Variants in FBN2 observed in about 807,000 individuals in gnomAD.
FBN2 encodes fibrillin 2.
FBN2 carries 105 observed loss-of-function variants against 355.6 expected under a neutral mutation model. The observed-to-expected ratio is 0.30, with a 90% CI of 0.25 to 0.35. The LOEUF is 0.35. Ranked by LOEUF, FBN2 falls within the 10% of genes least tolerant of loss-of-function variation. The pLI is 1.00. For missense variants in FBN2, 3,280 were observed against 3,758.7 expected (o/e 0.87, Z 3.33); for synonymous variants, 1,350 against 1,301.2 (o/e 1.04, Z -0.81).
intron 63 of FBN2, among the ~76,000 whole-genome samples, chr5:128,262,995 A>G (rs1765013427): frequency 6.6e-6 from 1 of 152,212 alleles, no homozygotes; most frequent in African/African-American, 2.4e-5. Flanking sequence ...AAAGAAAGGG[A>G]CAAACTCCTT....
chr5:128,412,179 T>C (rs1351664891), intron 7 of FBN2, among the ~76,000 whole-genome samples: 1 of 152,220 alleles, frequency 6.6e-6, no homozygotes, highest in Non-Finnish European at 1.5e-5. Flanking sequence ...AAATCAAAAA[T>C]TTAATAGCTG....
chr5:128,469,313 G>A lies in FBN2; in HGVS notation c.629-4392C>T, dbSNP rs116484928. Among the ~76,000 whole-genome samples the A allele has an allele frequency of 2.3e-3, 344 of 152,154 alleles. 2 individuals carry two copies. Among genetic ancestry groups the A allele is most frequent in the African/African-American group, 7.8e-3 (324 of 41,544 alleles). On this transcript the variant is annotated intron_variant, in intron 5 of 64. Transcript: ENST00000262464. Reference sequence around the variant, plus strand: ...AGAGAGGAGATTGGTGAAGGATGAGGCTGGAGAGGAGATCAAGACCATCCT... The same window carrying A: ...AGAGAGGAGATTGGTGAAGGATGAGACTGGAGAGGAGATCAAGACCATCCT...
At chr5:128,330,766 T>A (rs1750671802) in intron 32 of FBN2, 71 bp from the exon 33 acceptor site, 2 of 1,542,536 alleles carry the variant, frequency 1.3e-6, no homozygotes, top group Admixed American at 3.4e-5. Context: ...TTATCGTTTG[T>A]CTTAATTTAC....
rs78727187 is a variant in FBN2 at position 128,332,993 on chromosome 5, G to T, written c.4141C>A (p.His1381Asn). ...CEIGAHNCDM[H>N]ASCLNIPGSF... Reference sequence around the variant, plus strand: ...CCTGGGATATTCAGACATGAGGCATGCATGTCGCAGTTATGAGCACCAATT... The same window carrying T: ...CCTGGGATATTCAGACATGAGGCATTCATGTCGCAGTTATGAGCACCAATT... Residue 1381 changes from histidine to asparagine, a missense_variant, in exon 32 of 65, where the codon CAT becomes AAT. By Grantham distance (68) the His-to-Asn change is moderately conservative. Coordinates refer to ENST00000262464, the MANE Select transcript of FBN2 (RefSeq NM_001999.4). 8,231 of 1,608,724 alleles carry T rather than the reference G, an allele frequency of 5.1e-3. 24 individuals are homozygous for T. Among genetic ancestry groups the T allele is most frequent in the Non-Finnish European group, 6.2e-3 (7,250 of 1,175,110 alleles).
At chr5:128,473,598 AC>A (rs1754933963) in intron 5 of FBN2, among the ~76,000 whole-genome samples, 1 of 152,044 alleles carries the variant, frequency 6.6e-6, no homozygotes, top group African/African-American at 2.4e-5. Context: ...ATGTTCCTTC[AC>A]CCCAACACAT....
At chr5:128,446,981 T>G (rs1424389947) in intron 6 of FBN2, among the ~76,000 whole-genome samples, 1 of 152,230 alleles carries the variant, frequency 6.6e-6, no homozygotes, top group Non-Finnish European at 1.5e-5. Context: ...TACGCCTGTC[T>G]TTACTGCAAT....
chr5:128,498,179 C>T (rs550288017), intron 5 of FBN2, among the ~76,000 whole-genome samples: 1 of 152,320 alleles, frequency 6.6e-6, no homozygotes, highest in South Asian at 2.1e-4. Context: ...AAGGTTGACA[C>T]CATCAAAGTG....
intron 5 of FBN2, among the ~76,000 whole-genome samples, chr5:128,511,677 G>T (rs1206897568): frequency 6.6e-6 from 1 of 152,134 alleles, no homozygotes; most frequent in Non-Finnish European, 1.5e-5. Context: ...CTAGAGGAAT[G>T]GATATATGGC....
At chr5:128,450,813 T>C (rs1442913751) in intron 6 of FBN2, among the ~76,000 whole-genome samples, 1 of 152,096 alleles carries the variant, frequency 6.6e-6, no homozygotes, top group Non-Finnish European at 1.5e-5. Flanking sequence ...TTTACACAAA[T>C]TTGTTACACT....
In FBN2 at chr5:128,483,659, G is replaced by A. The variant is rs568955082; in HGVS notation, c.629-18738C>T. Among the ~76,000 whole-genome samples the A allele has an allele frequency of 2.0e-4, 30 of 150,776 alleles. No individual in the cohort carries two copies. In the East Asian group the frequency reaches 5.6e-3, roughly 28 times the overall value. On this transcript the variant is annotated intron_variant, in intron 5 of 64. Coordinates refer to ENST00000262464, the MANE Select transcript of FBN2 (RefSeq NM_001999.4). ...AGCCTTAATGAAATATTCAGGACAC[G>A]TAAAATGTAATGACTTTGAACCCAT... is the stretch of plus-strand genomic sequence containing the variant.
At chr5:128,424,692 T>A (rs955833168) in intron 7 of FBN2, among the ~76,000 whole-genome samples, 1 of 152,192 alleles carries the variant, frequency 6.6e-6, no homozygotes, top group African/African-American at 2.4e-5. Flanking sequence ...TTAGGCTGAA[T>A]AATTGCATTT....
intron 5 of FBN2, among the ~76,000 whole-genome samples, chr5:128,469,920 T>C (rs941366076): frequency 2.6e-5 from 4 of 152,168 alleles, no homozygotes; most frequent in Non-Finnish European, 5.9e-5. Context: ...ACAGGAGACG[T>C]CCAGTGTGTT....
At chr5:128,431,899 G>T (rs572245984) in intron 7 of FBN2, among the ~76,000 whole-genome samples, 2 of 152,132 alleles carry the variant, frequency 1.3e-5, no homozygotes, top group South Asian at 2.1e-4. Context: ...AGAATGGCAC[G>T]CATTAAAACA....
rs1289807020 is a variant in FBN2, at chr5:128,464,726, T to G, written c.824A>C (p.Gln275Pro). The part of the protein sequence containing the change: ...FIPNIRTGAC[Q>P]DVDECQAIPG... ...GCACAGGCAGACAGCTGACTCACCT[T>G]GGCAAGCTCCAGTGCGGATGTTGGG... The change falls in exon 6 of 65, where the codon CAA becomes CCA. Residue 275 changes from glutamine to proline, a missense_variant and splice_region_variant. Gln to Pro is a moderately conservative substitution (Grantham distance 76). This residue lies in a region of FBN2 where 343 missense variants were observed against 331.0 expected (regional missense o/e 1.04). Coordinates refer to ENST00000262464, the MANE Select transcript of FBN2 (RefSeq NM_001999.4). 2 of 1,613,086 alleles carry G rather than the reference T, an allele frequency of 1.2e-6. No homozygotes were observed. The highest frequency in any genetic ancestry group is 3.3e-5 in the Admixed American group (2 of 60,016).
At chr5:128,496,495 G>C (rs1384673985) in intron 5 of FBN2, among the ~76,000 whole-genome samples, 1 of 151,894 alleles carries the variant, frequency 6.6e-6, no homozygotes, top group Non-Finnish European at 1.5e-5. Context: ...AGGAGTAGAA[G>C]GGAACTTCCT....
At chr5:128,398,996 G>T (rs543752297) in intron 8 of FBN2, among the ~76,000 whole-genome samples, 1 of 152,242 alleles carries the variant, frequency 6.6e-6, no homozygotes, top group South Asian at 2.1e-4. Flanking sequence ...TCTGTAAATT[G>T]CCCAGTCTCG....
chr5:128,320,266 G>T (rs948730356), intron 34 of FBN2, among the ~76,000 whole-genome samples: 5 of 151,736 alleles, frequency 3.3e-5, no homozygotes, highest in African/African-American at 1.2e-4. Flanking sequence ...ACACAGGCTG[G>T]AGTAGTAGCA....
chr5:128,301,545 G>A (rs1238779941), intron 46 of FBN2, 35 bp from the exon 47 acceptor site: 2 of 1,602,972 alleles, frequency 1.2e-6, no homozygotes, highest in Non-Finnish European at 1.7e-6. Flanking sequence ...TTCAGAAAGA[G>A]CTCTTAACAT....
intron 21 of FBN2, 88 bp from the exon 22 acceptor site, chr5:128,350,093 T>G (rs1477198610): frequency 8.8e-7 from 1 of 1,137,980 alleles, no homozygotes; most frequent in Admixed American, 1.8e-5. Context: ...GAAATCTAAA[T>G]GGAACTAAAT....
Sources: allele counts gnomAD v4.1 joint callset (sites outside exome capture counted in the v4.1 genomes callset), GRCh38; gene constraint gnomAD v4.1.1; regional missense constraint gnomAD v4.1.1; transcripts MANE v1.5; gene names NCBI Gene and HGNC (gene_info 2026-07-23, HGNC 2026-07-21).